The following C17orf75 variants were observed in gnomAD, a reference collection of about 807,000 sequenced individuals.
C17orf75 encodes protein Njmu-R1.
Under a neutral mutation model 49.6 loss-of-function variants are expected in C17orf75, and 32 were observed. The ratio of observed to expected loss-of-function variants is 0.65; its 90% CI spans 0.49 to 0.87. The LOEUF is 0.87. Ranked by LOEUF, C17orf75 falls within the 40% of genes least tolerant of loss-of-function variation. The probability of loss-of-function intolerance (pLI) is 0.00; values close to 1 mark genes in which losing one functional copy is unlikely to be tolerated. For synonymous variants in C17orf75, 158 were observed against 159.5 expected (o/e 0.99, Z 0.07); for missense variants, 428 against 473.9 (o/e 0.90, Z 0.90).
chr17:32,331,542 A>G lies in C17orf75; in HGVS notation c.*221T>C, dbSNP rs1004298434. The G allele has an allele frequency of 4.5e-6, 2 of 447,318 alleles. No individual in the cohort carries two copies. The highest frequency in any genetic ancestry group is 7.9e-6 in the Non-Finnish European group (2 of 253,236). The allele number at this position is 447,318 out of a possible 1,614,324, so 27.7% of individuals were successfully genotyped here. A position where few individuals can be genotyped will look rare whatever the true frequency, so the allele number is the denominator to read the frequency against. On this transcript the variant is annotated 3_prime_UTR_variant, in exon 10 of 10. Transcript: ENST00000577809. The stretch of plus-strand genomic sequence containing the variant: ...GCGTGGAATTTATGGGGCCAGTGAG[A>G]CACTAAAATTTCACAACTCTCACAT...
chr17:32,343,695 G>A (rs2041402187), upstream of C17orf75: 2 of 568,948 alleles, frequency 3.5e-6, no homozygotes, highest in East Asian at 2.9e-5. Flanking sequence ...TTCGCAATGG[G>A]TATCCTCACC....
At chr17:32,332,005 T>C in intron 9 of C17orf75, 27 bp from the exon 10 acceptor site, 1 of 1,560,598 alleles carries the variant, frequency 6.4e-7, no homozygotes, top group Non-Finnish European at 8.8e-7. Flanking sequence ...CAGTTAAAAA[T>C]GTGTTAAGTG....
At chr17:32,335,489 T>C in intron 5 of C17orf75, 47 bp from the exon 6 acceptor site, 1 of 1,594,534 alleles carries the variant, frequency 6.3e-7, no homozygotes, top group Non-Finnish European at 8.5e-7. Flanking sequence ...GCCTTTCCTT[T>C]AGTGGACTTC....
chr17:32,330,261 C>A lies in C17orf75; in HGVS notation c.*1502G>T, dbSNP rs985855789. On this transcript the variant is annotated 3_prime_UTR_variant, in exon 10 of 10. Transcript: ENST00000577809. ...TTTATGAAGATTCTGAATTGTATTT[C>A]TCATTAAAAGAAAAGAAATGTGAGT... The A allele has an allele frequency of 3.9e-5, 6 of 152,142 alleles. No homozygotes were observed. The highest frequency in any genetic ancestry group is 7.3e-5 in the Non-Finnish European group (5 of 68,028). 9.4% of individuals were successfully genotyped at this position (152,142 alleles called of 1,614,324 possible).
chr17:32,338,444 G>A, intron 3 of C17orf75, 93 bp from the exon 4 acceptor site: 1 of 1,269,926 alleles, frequency 7.9e-7, no homozygotes, highest in Non-Finnish European at 1.1e-6. Context: ...ATCTTGATCT[G>A]GCAACACCAT....
At chr17:32,338,159 C>T (rs1393439621) in intron 4 of C17orf75, 49 bp downstream of exon 4, 3 of 1,593,360 alleles carry the variant, frequency 1.9e-6, no homozygotes, top group Non-Finnish European at 1.7e-6. Context: ...TTCCACCTGC[C>T]TTCCCATGTT....
At chr17:32,333,393 C>G in intron 9 of C17orf75, 24 bp downstream of exon 9, 1 of 1,541,298 alleles carries the variant, frequency 6.5e-7, no homozygotes, top group Non-Finnish European at 8.9e-7. Flanking sequence ...TCATGTGGCA[C>G]TTGGCACACA....
chr17:32,341,933 C>T (rs1597738718), intron 1 of C17orf75, 67 bp downstream of exon 1: 6 of 1,110,660 alleles, frequency 5.4e-6, no homozygotes, highest in Non-Finnish European at 6.6e-6. Context: ...GGTGCAAGGC[C>T]GGGCGGCGGG....
In C17orf75 at chr17:32,341,216, C is replaced by T; in HGVS notation, c.209G>A (p.Gly70Asp). 1 of 1,613,874 alleles carries T rather than the reference C, an allele frequency of 6.2e-7. No homozygotes were observed. Among genetic ancestry groups the T allele is most frequent in the African/African-American group, 1.3e-5 (1 of 75,004 alleles). ...PSGTNAETPS[G>D]DDFSLSLADT... ...AAGCTCTTTTTACCTGAAATCATCA[C>T]CAGAGGGAGTTTCTGCATTTGTGCC... Residue 70 changes from glycine to aspartate, a missense_variant, in exon 2 of 10, where the codon GGT (glycine) becomes GAT (aspartate). Gly to Asp is a moderately conservative substitution (Grantham distance 94). Transcript: ENST00000577809.
upstream of C17orf75, among the ~76,000 whole-genome samples, chr17:32,346,199 C>G (rs1216478970): frequency 3.9e-5 from 6 of 152,034 alleles, no homozygotes; most frequent in Non-Finnish European, 5.9e-5. Context: ...GCAGGAGGAT[C>G]ACTTGAGCCC....
At chr17:32,339,675 G>T (rs2041360463) in intron 3 of C17orf75, 138 bp downstream of exon 3, 3 of 1,081,842 alleles carry the variant, frequency 2.8e-6, no homozygotes, top group African/African-American at 3.2e-5. Context: ...GTTTATGTGT[G>T]AGGCCCAGTG....
chr17:32,333,567 C>CTTTA (rs753998906), intron 8 of C17orf75, 47 bp from the exon 9 acceptor site: 74 of 1,486,258 alleles, frequency 5.0e-5, no homozygotes, highest in East Asian at 9.1e-5. Context: ...TTTTACAAAG[C>CTTTA]TTTATTTATT....
At chr17:32,344,035 T>G, upstream of C17orf75, 1 of 673,942 alleles carries the variant, frequency 1.5e-6, no homozygotes, top group Non-Finnish European at 2.7e-6. Context: ...ACTGGGTGCA[T>G]TGTACTTGAA....
upstream of C17orf75, chr17:32,342,262 G>A (rs1392971696): frequency 1.3e-5 from 18 of 1,364,734 alleles, no homozygotes; most frequent in East Asian, 1.2e-4. Context: ...TGGTTTCCCC[G>A]GGTTCGCAGG....
At position 32,331,483 on chromosome 17, in the gene C17orf75, A is replaced by G. The variant is rs2041272278; in HGVS notation, c.*280T>C. The G allele has an allele frequency of 6.5e-6, 2 of 308,304 alleles. No homozygotes were observed. Among genetic ancestry groups the G allele is most frequent in the Non-Finnish European group, 1.2e-5 (2 of 168,540 alleles). The allele number at this position is 308,304 out of a possible 1,614,324, so 19.1% of individuals were successfully genotyped here. On this transcript the variant is annotated 3_prime_UTR_variant, in exon 10 of 10. Transcript: ENST00000577809. ...CCTGAGAAAAGCCACAAACAAAATC[A>G]TCTCTGAAATTTTTTAAGCAACAAC...
At chr17:32,338,465 A>G in intron 3 of C17orf75, 114 bp from the exon 4 acceptor site, 2 of 1,019,236 alleles carry the variant, frequency 2.0e-6, no homozygotes, top group Non-Finnish European at 2.8e-6. Flanking sequence ...TAAACTGCCC[A>G]CTAACTCAGA....
chr17:32,335,302 C>T (rs753639419), intron 6 of C17orf75, 21 bp downstream of exon 6: 2 of 1,611,272 alleles, frequency 1.2e-6, no homozygotes, highest in Admixed American at 1.7e-5. Flanking sequence ...TAAGGAAATG[C>T]TCTCATTTGG....
upstream of C17orf75, among the ~76,000 whole-genome samples, chr17:32,344,513 A>G (rs1477109591): frequency 6.7e-6 from 1 of 149,294 alleles, no homozygotes; most frequent in Non-Finnish European, 1.5e-5. Flanking sequence ...GCTAGTTGGG[A>G]GGCTGAGGCA....
At chr17:32,338,671 C>T (rs1220692249) in intron 3 of C17orf75, among the ~76,000 whole-genome samples, 1 of 152,214 alleles carries the variant, frequency 6.6e-6, no homozygotes, top group Non-Finnish European at 1.5e-5. Context: ...TCTCCCCTCT[C>T]CCAAAGCTTC....
Sources: allele counts gnomAD v4.1 joint callset (sites outside exome capture counted in the v4.1 genomes callset), GRCh38; gene constraint gnomAD v4.1.1; transcripts MANE v1.5; gene names NCBI Gene and HGNC (gene_info 2026-07-23, HGNC 2026-07-21).